PRDM15: variants seen among roughly 807,000 people sequenced by gnomAD.
PRDM15 encodes PR domain zinc finger protein 15.
In PRDM15, 64 loss-of-function variants were observed where a neutral mutation model predicts 128.6. The observed-to-expected ratio is 0.50, with a 90% CI of 0.41 to 0.61. The LOEUF is 0.61. PRDM15 is among the 20% of genes least tolerant of loss of function. The pLI is 0.00. For synonymous variants in PRDM15, 615 were observed against 621.8 expected (o/e 0.99, Z 0.16); for missense variants, 1,242 against 1,569.1 (o/e 0.79, Z 3.52).
intron 11 of PRDM15, among the ~76,000 whole-genome samples, chr21:41,829,550 A>G (rs1212048853): frequency 1.4e-5 from 2 of 142,512 alleles, no homozygotes; most frequent in African/African-American, 2.7e-5. Context: ...TACACTCAAC[A>G]TACACCACAT....
intron 5 of PRDM15, among the ~76,000 whole-genome samples, chr21:41,853,682 T>C (rs946888274): frequency 5.9e-5 from 9 of 152,254 alleles, no homozygotes; most frequent in African/African-American, 2.2e-4. Context: ...GGACAGGCAC[T>C]GTGACCCGCT....
chr21:41,838,665 C>G (rs565929824), intron 7 of PRDM15, among the ~76,000 whole-genome samples: 3 of 152,218 alleles, frequency 2.0e-5, no homozygotes, highest in Non-Finnish European at 4.4e-5. Flanking sequence ...CGCTTTCCCC[C>G]GCCCCCATCT....
At chr21:41,840,682 C>G (rs1430588655) in intron 6 of PRDM15, among the ~76,000 whole-genome samples, 2 of 151,808 alleles carry the variant, frequency 1.3e-5, no homozygotes, top group African/African-American at 4.8e-5. Flanking sequence ...TCAGCAGACA[C>G]ATACACACAA....
At position 41,821,833 on chromosome 21, in the gene PRDM15, G is replaced by A. The variant is rs962307141; in HGVS notation, c.1896+70C>T. 6.3e-7 allele frequency: 1 copy of A among 1,576,346 alleles called. No individual in the cohort carries two copies. Among genetic ancestry groups the A allele is most frequent in the Non-Finnish European group, 8.7e-7 (1 of 1,152,964 alleles). On this transcript the variant is annotated intron_variant, in intron 15 of 23. Coordinates refer to ENST00000398548, the MANE Select transcript of PRDM15 (RefSeq NM_001040424.3). The surrounding 1 kb of genome is among the most constrained non-coding windows in gnomAD (Gnocchi z 5.4). ...ATGCATGAAGGTGCCTGCTGTGTGGGGCCCACAGCCTTGAAACGACCACCT... is the reference window on the plus strand; with the variant it reads ...ATGCATGAAGGTGCCTGCTGTGTGGAGCCCACAGCCTTGAAACGACCACCT...
rs897715595 is a variant in PRDM15, at chr21:41,832,654, G to A, written c.1366+2783C>T. On this transcript the variant is annotated intron_variant, in intron 11 of 23. Coordinates refer to ENST00000398548, the MANE Select transcript of PRDM15 (RefSeq NM_001040424.3). This position sits in a 1 kb window ranked among gnomAD's most constrained non-coding sequence, Gnocchi z 4.2. ...GCCTCCCTCCCGGGCAGGTGCTAAA[G>A]AGCACAGGTGAGCCTCCTTCCCAGG... Among the ~76,000 whole-genome samples the A allele has an allele frequency of 2.0e-5, 3 of 151,496 alleles. No homozygotes were observed. Among genetic ancestry groups the A allele is most frequent in the African/African-American group, 7.3e-5 (3 of 41,194 alleles).
chr21:41,866,008 T>C (rs1296803225), intron 1 of PRDM15, among the ~76,000 whole-genome samples: 1 of 152,158 alleles, frequency 6.6e-6, no homozygotes, highest in Non-Finnish European at 1.5e-5. Flanking sequence ...GCCTCCCATT[T>C]TGGATTACAG....
chr21:41,812,445 C>T (rs540457674), intron 19 of PRDM15: 3 of 151,946 alleles, frequency 2.0e-5, no homozygotes, highest in Non-Finnish European at 2.9e-5. Context: ...AATTAGAGCC[C>T]GGGGGGAGGC....
chr21:41,835,604 C>CGTGGAGTCGCCCG, intron 10 of PRDM15, 80 bp from the exon 11 acceptor site: 1 of 1,127,068 alleles, frequency 8.9e-7, no homozygotes, highest in Non-Finnish European at 1.3e-6. Flanking sequence ...GCTGCCCGGG[C>CGTGGAGTCGCCCG]GACTCCACGC....
Position 41,836,623 on chromosome 21 carries a change from A to G in PRDM15, c.1028T>C (p.Ile343Thr), listed in dbSNP as rs752222453. The change falls in exon 9 of 24, where the codon ATC becomes ACC. Residue 343 changes from isoleucine to threonine, a missense_variant. Ile to Thr is a moderately conservative substitution (Grantham distance 89). This residue lies in a region of PRDM15 where 612 missense variants were observed against 717.0 expected (regional missense o/e 0.85). Transcript: ENST00000398548. ...GAGAATTAAGCTCCTCTTGAGCGTG[A>G]TGGTGTTATTCTGATGATGGGTGAA... The part of the protein sequence containing the change: ...PKFTHHQNNT[I>T]TLKRSLILSS... The G allele has an allele frequency of 6.2e-7, 1 of 1,612,104 alleles. No individual in the cohort carries two copies. Among genetic ancestry groups the G allele is most frequent in the East Asian group, 2.2e-5 (1 of 44,732 alleles).
At chr21:41,827,908 C>A (rs1156327525) in intron 12 of PRDM15, among the ~76,000 whole-genome samples, 4 of 152,162 alleles carry the variant, frequency 2.6e-5, no homozygotes, top group Admixed American at 6.5e-5. Context: ...AGCTCCTTCC[C>A]CAGTGTGGAA....
chr21:41,808,181 G>T (rs1261459074), intron 21 of PRDM15, among the ~76,000 whole-genome samples: 3 of 152,210 alleles, frequency 2.0e-5, no homozygotes, highest in African/African-American at 7.2e-5. Context: ...CGGGCTGCTG[G>T]GTGGGCTGCA....
intron 16 of PRDM15, among the ~76,000 whole-genome samples, chr21:41,820,632 T>A (rs2146381174): frequency 6.6e-6 from 1 of 152,232 alleles, no homozygotes; most frequent in East Asian, 1.9e-4. Context: ...CTGAAGATGG[T>A]AAGTGTCTGT....
chr21:41,836,150 A>G lies in PRDM15; in HGVS notation c.1241T>C (p.Leu414Pro). ...GTGCTTGTAGGAAACGTGCTGCTTT[A>G]GGCTCTCTTTGCGGCTGAACAATTT... ...CAKLFSRKES[L>P]KQHVSYKHSR... Residue 414 changes from leucine (L) to proline (P), a missense_variant, in exon 10 of 24, where the codon CTA becomes CCA. Physicochemically the swap from Leu to Pro is moderately conservative, Grantham distance 98 (BLOSUM62 -3). Transcript: ENST00000398548. 6.2e-7 allele frequency: 1 copy of G among 1,613,888 alleles called. No individual in the cohort carries two copies. The highest frequency in any genetic ancestry group is 8.5e-7 in the Non-Finnish European group (1 of 1,179,948).
At chr21:41,804,467 C>G in intron 22 of PRDM15, 67 bp downstream of exon 22, 1 of 1,262,770 alleles carries the variant, frequency 7.9e-7, no homozygotes, top group Non-Finnish European at 1.1e-6. Context: ...CCAAGCCCCT[C>G]TGGTCCCTTC....
chr21:41,828,346 C>T lies in PRDM15; in HGVS notation c.1367-13G>A. Reference sequence around the variant, plus strand: ...AACGTCTTGTCATCTGTCCAGAGAGCAAACAAACACACAACGATTTTGAGG... The same window carrying T: ...AACGTCTTGTCATCTGTCCAGAGAGTAAACAAACACACAACGATTTTGAGG... On this transcript the variant is annotated splice_polypyrimidine_tract_variant and intron_variant, in intron 11 of 23. Transcript: ENST00000398548. The surrounding 1 kb of genome is among the most constrained non-coding windows in gnomAD (Gnocchi z 5.7). 1.9e-6 allele frequency: 3 copies of T among 1,613,154 alleles called. No homozygotes were observed. The highest frequency in any genetic ancestry group is 2.5e-6 in the Non-Finnish European group (3 of 1,179,312).
At chr21:41,814,377 G>A (rs1406472640) in intron 19 of PRDM15, 1 of 48,046 alleles carries the variant, frequency 2.1e-5, no homozygotes. Context: ...TAGTGATTGC[G>A]CAGGGTGCTC....
chr21:41,806,111 C>CCACCAT (rs2061582886), intron 21 of PRDM15, among the ~76,000 whole-genome samples: 1 of 88,172 alleles, frequency 1.1e-5, no homozygotes, highest in Non-Finnish European at 2.5e-5. Context: ...ACCATCACCA[C>CCACCAT]CACCACCACC....
Position 41,821,376 on chromosome 21 carries a change from C to T in PRDM15, c.1897-146G>A, listed in dbSNP as rs571894201. ...CCAGGGTGGAAGGGACTCTCAGAGG[C>T]TTGATGGGGAACTTTTCCGAAGCCA... On this transcript the variant is annotated intron_variant, in intron 15 of 23. Transcript: ENST00000398548. This position sits in a 1 kb window ranked among gnomAD's most constrained non-coding sequence, Gnocchi z 5.4. The T allele has an allele frequency of 7.5e-5, 72 of 959,344 alleles. No homozygotes were observed. The Admixed American group carries it at 1.2e-3, about 17-fold the overall frequency. 59.4% of individuals were successfully genotyped at this position (959,344 alleles called of 1,614,324 possible).
intron 1 of PRDM15, among the ~76,000 whole-genome samples, chr21:41,878,353 G>T (rs1467828780): frequency 6.6e-6 from 1 of 152,088 alleles, no homozygotes; most frequent in African/African-American, 2.4e-5. Flanking sequence ...GAGCATTTGT[G>T]GGGGAAAAAA....
Sources: gnomAD v4.1 joint callset for allele counts (sites outside exome capture counted in the v4.1 genomes callset) on GRCh38, gnomAD v4.1.1 for gene constraint, gnomAD v4.1.1 regional missense constraint, Gnocchi (gnomAD v3.1) non-coding constraint, MANE v1.5 for transcripts, NCBI Gene and HGNC (gene_info 2026-07-23, HGNC 2026-07-21) for gene names.